The following INTS4 variants were observed in gnomAD, a reference collection of about 807,000 sequenced individuals.
INTS4 encodes integrator complex subunit 4.
A neutral mutation model predicts 119.5 loss-of-function variants in INTS4; 70 were observed. The ratio of observed to expected loss-of-function variants is 0.59; its 90% CI spans 0.48 to 0.71. The LOEUF is 0.71. INTS4 is among the 30% of genes least tolerant of loss of function. INTS4 has a pLI of 0.00. For synonymous variants in INTS4, 316 were observed against 419.6 expected, an observed-to-expected ratio of 0.75 and a Z score of 3.02; for missense variants, 867 against 1,173.2, an observed-to-expected ratio of 0.74 and a Z score of 3.81.
chr11:77,917,427 C>T (rs1209871237), intron 15 of INTS4, among the ~76,000 whole-genome samples: 1 of 151,584 alleles, frequency 6.6e-6, no homozygotes, highest in Admixed American at 6.6e-5. Context: ...GATCCTTGTG[C>T]CTCAATCTCC....
chr11:77,893,632 C>T (rs1952373368), intron 19 of INTS4, among the ~76,000 whole-genome samples: 1 of 152,014 alleles, frequency 6.6e-6, no homozygotes, highest in Admixed American at 6.6e-5. Context: ...GTGGCTCACG[C>T]CTGTAATCCC....
intron 4 of INTS4, among the ~76,000 whole-genome samples, chr11:77,961,590 T>C (rs1185142296): frequency 3.3e-5 from 5 of 152,142 alleles, no homozygotes; most frequent in Admixed American, 2.6e-4. Flanking sequence ...CCAGATTAAA[T>C]AGTATATAAC....
intron 14 of INTS4, among the ~76,000 whole-genome samples, chr11:77,920,216 T>TATACACATATAC (rs2136477312): frequency 8.4e-6 from 1 of 119,690 alleles, no homozygotes; most frequent in African/African-American, 3.6e-5. Context: ...CACACATATA[T>TATACACATATAC]ATACACATAT....
intron 2 of INTS4, among the ~76,000 whole-genome samples, chr11:77,988,323 T>A (rs1856538071): frequency 6.6e-6 from 1 of 152,222 alleles, no homozygotes; most frequent in Non-Finnish European, 1.5e-5. Flanking sequence ...TGATATATAT[T>A]TGTTGAGTAA....
intron 21 of INTS4, among the ~76,000 whole-genome samples, chr11:77,888,196 G>A (rs557087704): frequency 6.6e-6 from 1 of 152,142 alleles, no homozygotes; most frequent in African/African-American, 2.4e-5. Flanking sequence ...ACAGTAACCA[G>A]AACAGCATGG....
At chr11:77,912,984 G>C (rs1450052495) in intron 15 of INTS4, among the ~76,000 whole-genome samples, 1 of 152,168 alleles carries the variant, frequency 6.6e-6, no homozygotes, top group Non-Finnish European at 1.5e-5. Context: ...AGCCCCTTCT[G>C]TTTCAGGTAA....
Position 77,891,462 on chromosome 11 carries a change from T to C in INTS4, c.2449A>G (p.Ile817Val). Residue 817 changes from isoleucine (I) to valine (V), a missense_variant and splice_region_variant, in exon 21 of 23, where the codon ATC becomes GTC. Ile to Val is a conservative substitution (Grantham distance 29). Coordinates refer to ENST00000534064, the MANE Select transcript of INTS4 (RefSeq NM_033547.4). ...ATGATGGTGGCTGAGGCTTTGTGGA[T>C]CTGTAAGCAAGAGGAAAATCCTATG... ...AFLHLPLPEQIHKASATIIEP... is the reference protein window; with the variant it reads ...AFLHLPLPEQVHKASATIIEP... 8 of 1,613,712 alleles carry C rather than the reference T, an allele frequency of 5.0e-6. No homozygotes were observed. The highest frequency in any genetic ancestry group is 6.8e-6 in the Non-Finnish European group (8 of 1,179,776).
Position 77,981,589 on chromosome 11 carries a change from A to C in INTS4, c.247-13T>G. The stretch of plus-strand genomic sequence containing the variant: ...ATGGATCATTCTCCTGGAAAAAAAG[A>C]AGCAATTGTCACTTTGATGCTTTAC... On this transcript the variant is annotated splice_polypyrimidine_tract_variant and intron_variant, in intron 2 of 22. Transcript: ENST00000534064. 2 of 1,439,036 alleles carry C rather than the reference A, an allele frequency of 1.4e-6. No homozygotes were observed. The highest frequency in any genetic ancestry group is 1.9e-6 in the Non-Finnish European group (2 of 1,040,062). 89.1% of individuals were successfully genotyped at this position (1,439,036 alleles called of 1,614,324 possible).
intron 8 of INTS4, among the ~76,000 whole-genome samples, chr11:77,950,587 T>G (rs1161340466): frequency 6.6e-6 from 1 of 152,158 alleles, no homozygotes; most frequent in Non-Finnish European, 1.5e-5. Context: ...AGAGAGGCTG[T>G]TGAAAGTTCA....
chr11:77,993,877 A>G (rs1306800024), intron 1 of INTS4, among the ~76,000 whole-genome samples: 4 of 152,098 alleles, frequency 2.6e-5, no homozygotes, highest in African/African-American at 7.2e-5. Context: ...GGTAATTTGT[A>G]TACACATTAA....
chr11:77,906,941 T>C (rs1269891849), intron 16 of INTS4, among the ~76,000 whole-genome samples: 4 of 152,252 alleles, frequency 2.6e-5, no homozygotes, highest in Admixed American at 2.6e-4. Flanking sequence ...TTAATTGTTT[T>C]TTAACTCAGC....
intron 22 of INTS4, 69 bp from the exon 23 acceptor site, chr11:77,879,196 TAAAG>T: frequency 2.6e-6 from 4 of 1,540,546 alleles, no homozygotes; most frequent in South Asian, 1.1e-5. Context: ...AATGTGAAGT[TAAAG>T]AAATATCAAA....
chr11:77,912,957 C>G (rs1445852091), intron 15 of INTS4, among the ~76,000 whole-genome samples: 1 of 152,192 alleles, frequency 6.6e-6, no homozygotes, highest in Non-Finnish European at 1.5e-5. Flanking sequence ...ATATTTCTTT[C>G]TATCTCTGAT....
chr11:77,991,292 T>A lies in INTS4; in HGVS notation c.62A>T (p.Glu21Val). Reference protein sequence around the residue: ...EEFTKVVQPQEEIATKKLRLT... With the variant: ...EEFTKVVQPQVEIATKKLRLT... ...TCGGAGTTTCTTAGTAGCAATTTCCTCCTGTGGCTGCAAGGGGTAGAGAAA... is the reference window on the plus strand; with the variant it reads ...TCGGAGTTTCTTAGTAGCAATTTCCACCTGTGGCTGCAAGGGGTAGAGAAA... Residue 21 changes from glutamate (E) to valine (V), a missense_variant, in exon 2 of 23, where the codon GAG becomes GTG. This residue lies in a region of INTS4 where 224 missense variants were observed against 231.8 expected (regional missense o/e 0.97). Transcript: ENST00000534064. 1.9e-6 allele frequency: 3 copies of A among 1,612,964 alleles called. No individual in the cohort carries two copies. Among genetic ancestry groups the A allele is most frequent in the Non-Finnish European group, 2.5e-6 (3 of 1,179,018 alleles).
chr11:77,948,798 A>G (rs187306157), intron 8 of INTS4, among the ~76,000 whole-genome samples: 4 of 151,930 alleles, frequency 2.6e-5, no homozygotes, highest in Admixed American at 6.6e-5. Context: ...AAAGAAAAAA[A>G]AAAAAAGGTA....
At chr11:77,923,183 T>C (rs184543379) in intron 12 of INTS4, among the ~76,000 whole-genome samples, 2 of 152,100 alleles carry the variant, frequency 1.3e-5, no homozygotes, top group South Asian at 4.2e-4. Flanking sequence ...CTGGGCATGG[T>C]GGCACGGGCC....
chr11:77,940,665 C>A (rs1953909234), intron 9 of INTS4, among the ~76,000 whole-genome samples: 1 of 152,056 alleles, frequency 6.6e-6, no homozygotes, highest in African/African-American at 2.4e-5. Flanking sequence ...GAGACAGAGT[C>A]CCACTCTGTT....
chr11:77,877,766 AGAG>A (rs1317816725), downstream of INTS4, among the ~76,000 whole-genome samples: 4 of 151,726 alleles, frequency 2.6e-5, no homozygotes, highest in Non-Finnish European at 5.9e-5. Context: ...TTTTTTAAAC[AGAG>A]ATGGGGTCTC....
At chr11:77,980,411 G>A (rs190519172) in intron 3 of INTS4, among the ~76,000 whole-genome samples, 17 of 152,100 alleles carry the variant, frequency 1.1e-4, no homozygotes, top group Non-Finnish European at 1.0e-4. Flanking sequence ...ACAGCGTCTC[G>A]CTCTGTCACC....
Sources: gnomAD v4.1 joint callset for allele counts (sites outside exome capture counted in the v4.1 genomes callset) on GRCh38, gnomAD v4.1.1 for gene constraint, gnomAD v4.1.1 regional missense constraint, MANE v1.5 for transcripts, NCBI Gene and HGNC (gene_info 2026-07-23, HGNC 2026-07-21) for gene names.